The following PCDH10 variants were observed in gnomAD, a reference collection of about 807,000 sequenced individuals.
PCDH10 encodes protocadherin 10.
A neutral mutation model predicts 74.4 loss-of-function variants in PCDH10; 15 were observed. The ratio of observed to expected loss-of-function variants is 0.20; its 90% CI spans 0.13 to 0.31. The LOEUF (loss-of-function observed/expected upper bound fraction) is 0.31, where lower values mean the gene tolerates loss of function less well. Ranked by LOEUF, PCDH10 falls within the 10% of genes least tolerant of loss-of-function variation. The pLI is 1.00. For synonymous variants in PCDH10, 619 were observed against 589.8 expected, an observed-to-expected ratio of 1.05 and a Z score of -0.72; for missense variants, 1,260 against 1,390.2, an observed-to-expected ratio of 0.91 and a Z score of 1.49.
chr4:133,171,383 A>G (rs1727200761), intron 4 of PCDH10, among the ~76,000 whole-genome samples: 1 of 152,190 alleles, frequency 6.6e-6, no homozygotes, highest in South Asian at 2.1e-4. Flanking sequence ...TAAACAAGAC[A>G]TAAGCATAGA....
chr4:133,204,052 C>T (rs890338468), intron 2 of PCDH10, among the ~76,000 whole-genome samples: 1 of 152,108 alleles, frequency 6.6e-6, no homozygotes, highest in Non-Finnish European at 1.5e-5. Context: ...CTCCTAAACT[C>T]TCTCTCATTA....
chr4:133,153,922 G>T (rs1326202769), intron 1 of PCDH10: 1 of 172,422 alleles, frequency 5.8e-6, no homozygotes, highest in Non-Finnish European at 1.2e-5. Context: ...TTTTTCTTGT[G>T]TCAACCAGTA....
chr4:133,187,092 A>C (rs2125872620), intron 4 of PCDH10, among the ~76,000 whole-genome samples: 1 of 152,268 alleles, frequency 6.6e-6, no homozygotes, highest in African/African-American at 2.4e-5. Flanking sequence ...CTAAAACTTT[A>C]GTAATAGTAT....
chr4:133,151,545 G>A lies in PCDH10; in HGVS notation c.1405G>A (p.Asp469Asn). ...NAPRFSQPVYDVYVTENNVPG... is the reference protein window; with the variant it reads ...NAPRFSQPVYNVYVTENNVPG... ...GCCGCGTTTCAGCCAGCCGGTCTACGACGTGTATGTGACTGAAAACAACGT... is the reference window on the plus strand; with the variant it reads ...GCCGCGTTTCAGCCAGCCGGTCTACAACGTGTATGTGACTGAAAACAACGT... Residue 469 changes from aspartate to asparagine, a missense_variant, in exon 1 of 5, where the codon GAC becomes AAC. This residue lies in a region of PCDH10 where 587 missense variants were observed against 616.9 expected (regional missense o/e 0.95). Transcript: ENST00000264360. 1 of 1,614,082 alleles carries A rather than the reference G, an allele frequency of 6.2e-7. No homozygotes were observed. The highest frequency in any genetic ancestry group is 1.1e-5 in the South Asian group (1 of 91,080).
chr4:133,184,800 ATATATATATT>A (rs1439755150), intron 4 of PCDH10, among the ~76,000 whole-genome samples: 2 of 141,282 alleles, frequency 1.4e-5, no homozygotes, highest in Non-Finnish European at 3.1e-5. Context: ...ATATATTTAT[ATATATATATT>A]TATATATTTA....
At chr4:133,205,326 T>A (rs1727980074) in intron 2 of PCDH10, among the ~76,000 whole-genome samples, 1 of 152,232 alleles carries the variant, frequency 6.6e-6, no homozygotes, top group African/African-American at 2.4e-5. Flanking sequence ...CAAATTTTTC[T>A]GTTGTGAAGC....
chr4:133,172,856 AC>A (rs1727227625), intron 4 of PCDH10, among the ~76,000 whole-genome samples: 1 of 151,888 alleles, frequency 6.6e-6, no homozygotes, highest in Admixed American at 6.6e-5. Context: ...CTATCCTTAA[AC>A]CTAGAAGTGA....
At chr4:133,199,084 C>T (rs1727850025), downstream of PCDH10, among the ~76,000 whole-genome samples, 1 of 151,742 alleles carries the variant, frequency 6.6e-6, no homozygotes, top group East Asian at 1.9e-4. Flanking sequence ...GAGTTGGAGA[C>T]CAGCCTGGGT....
chr4:133,154,490 AAT>A, intron 2 of PCDH10, 125 bp downstream of exon 2: 1 of 592,846 alleles, frequency 1.7e-6, no homozygotes. Flanking sequence ...GCAGGACATA[AAT>A]ATGAACTATA....
At chr4:133,173,242 A>G (rs1727233300) in intron 4 of PCDH10, among the ~76,000 whole-genome samples, 1 of 152,002 alleles carries the variant, frequency 6.6e-6, no homozygotes, top group African/African-American at 2.4e-5. Context: ...AAATGGCTCA[A>G]GGAATTCTGA....
At chr4:133,198,085 T>C (rs1727829627), downstream of PCDH10, among the ~76,000 whole-genome samples, 1 of 152,002 alleles carries the variant, frequency 6.6e-6, no homozygotes, top group African/African-American at 2.4e-5. Flanking sequence ...AACATCTGCA[T>C]TTTGATCCCC....
At chr4:133,199,289 A>AAATAATAATAATAATAAT (rs70957501), downstream of PCDH10, among the ~76,000 whole-genome samples, 11 of 136,682 alleles carry the variant, frequency 8.0e-5, no homozygotes, top group African/African-American at 1.7e-4. Flanking sequence ...CCCTGTCTCA[A>AAATAATAATAATAATAAT]AATAATAATA....
At chr4:133,182,777 T>C (rs1329425887) in intron 4 of PCDH10, among the ~76,000 whole-genome samples, 2 of 152,078 alleles carry the variant, frequency 1.3e-5, no homozygotes, top group African/African-American at 2.4e-5. Context: ...TAGAGCCTGG[T>C]ATGGTGGCCA....
At chr4:133,157,276 T>G (rs577353891) in intron 3 of PCDH10, among the ~76,000 whole-genome samples, 1 of 152,304 alleles carries the variant, frequency 6.6e-6, no homozygotes, top group Admixed American at 6.5e-5. Context: ...TTGAAGTGTT[T>G]TCTTTTTTAA....
rs1251691726 is a variant in PCDH10, at chr4:133,150,203, C to T, written c.63C>T (p.His21=). Residue 21 remains histidine (H), a synonymous_variant, in exon 1 of 5, where the codon CAC becomes CAT. Transcript: ENST00000264360. ...WMVEGVFSQL[H]YTVQEEQEHG... ...TGGAAGGAGTCTTTTCCCAGCTTCACTACACGGTACAGGAGGAGCAGGAAC... is the reference window on the plus strand; with the variant it reads ...TGGAAGGAGTCTTTTCCCAGCTTCATTACACGGTACAGGAGGAGCAGGAAC... 3 of 1,610,454 alleles carry T rather than the reference C, an allele frequency of 1.9e-6. No individual in the cohort carries two copies. Among genetic ancestry groups the T allele is most frequent in the African/African-American group, 2.7e-5 (2 of 74,782 alleles).
chr4:133,201,050 A>C (rs557693956), intron 2 of PCDH10, among the ~76,000 whole-genome samples: 1 of 152,258 alleles, frequency 6.6e-6, no homozygotes, highest in African/African-American at 2.4e-5. Context: ...TATTCCTCTT[A>C]ATGACATGTT....
At chr4:133,184,796 T>TTATA (rs916362395) in intron 4 of PCDH10, among the ~76,000 whole-genome samples, 2 of 139,040 alleles carry the variant, frequency 1.4e-5, no homozygotes, top group African/African-American at 5.3e-5. Flanking sequence ...ATATATATAT[T>TTATA]TATATATATA....
rs907296058 is a variant in PCDH10, at chr4:133,192,883, G to A, written c.*2723G>A. On this transcript the variant is annotated 3_prime_UTR_variant, in exon 5 of 5. Transcript: ENST00000264360. ...AAGGTTTCTAATTAAGCATTTACTA[G>A]ATTAATATATCAAGGAATTTTAGGA... The A allele has an allele frequency of 2.4e-4, 36 of 151,496 alleles. No homozygotes were observed. Among genetic ancestry groups the A allele is most frequent in the African/African-American group, 8.5e-4 (35 of 41,382 alleles). 9.4% of individuals were successfully genotyped at this position (151,496 alleles called of 1,614,324 possible). A position where few individuals can be genotyped will look rare whatever the true frequency, so the allele number is the denominator to read the frequency against.
chr4:133,204,873 G>A (rs1253653329), intron 2 of PCDH10, among the ~76,000 whole-genome samples: 1 of 152,222 alleles, frequency 6.6e-6, no homozygotes, highest in African/African-American at 2.4e-5. Context: ...CAGCCTGGGA[G>A]AGGAGGACAC....
Sources: allele counts gnomAD v4.1 joint callset (sites outside exome capture counted in the v4.1 genomes callset), GRCh38; gene constraint gnomAD v4.1.1; regional missense constraint gnomAD v4.1.1; transcripts MANE v1.5; gene names NCBI Gene and HGNC (gene_info 2026-07-23, HGNC 2026-07-21).